Variants in TAFA1 observed in about 807,000 individuals in gnomAD.
TAFA1 encodes the protein chemokine-like protein TAFA-1.
A neutral mutation model predicts 18.5 loss-of-function variants in TAFA1; 4 were observed. The observed-to-expected ratio is 0.22, with a 90% CI of 0.11 to 0.49. The LOEUF (loss-of-function observed/expected upper bound fraction) is 0.49. Ranked by LOEUF, TAFA1 falls within the 20% of genes least tolerant of loss-of-function variation. The pLI is 0.98. For synonymous variants in TAFA1, 56 were observed against 55.2 expected (o/e 1.01, Z -0.06); for missense variants, 147 against 169.0 (o/e 0.87, Z 0.72).
At chr3:68,212,100 G>A (rs911686752) in intron 2 of TAFA1, among the ~76,000 whole-genome samples, 9 of 151,910 alleles carry the variant, frequency 5.9e-5, no homozygotes, top group Admixed American at 5.9e-4. Flanking sequence ...GCCACAGTGG[G>A]CTTTCCTGAA....
intron 2 of TAFA1, among the ~76,000 whole-genome samples, chr3:68,261,856 C>T (rs769529152): frequency 1.7e-4 from 26 of 151,180 alleles, no homozygotes; most frequent in South Asian, 4.2e-4. Flanking sequence ...ACATGGCACA[C>T]GTATACATAT....
chr3:68,223,546 T>A (rs961798210), intron 2 of TAFA1, among the ~76,000 whole-genome samples: 1 of 147,388 alleles, frequency 6.8e-6, no homozygotes, highest in African/African-American at 2.5e-5. Flanking sequence ...TTTTTTTTTT[T>A]ATTATCACCA....
intron 3 of TAFA1, among the ~76,000 whole-genome samples, chr3:68,491,457 G>A (rs1380537727): frequency 1.4e-5 from 2 of 145,480 alleles, no homozygotes; most frequent in African/African-American, 5.1e-5. Context: ...ACCAAACACC[G>A]CATATTCTCA....
chr3:68,119,087 G>A (rs1396083578), intron 2 of TAFA1, among the ~76,000 whole-genome samples: 1 of 151,076 alleles, frequency 6.6e-6, no homozygotes, highest in African/African-American at 2.4e-5. Flanking sequence ...ATATAAGGTA[G>A]TATCTCATTA....
At chr3:68,401,602 C>G (rs768846816) in intron 2 of TAFA1, among the ~76,000 whole-genome samples, 10 of 152,188 alleles carry the variant, frequency 6.6e-5, no homozygotes, top group Non-Finnish European at 1.5e-4. Flanking sequence ...TCCAGACTTG[C>G]GTCTTTTCGT....
At chr3:68,186,352 G>GT (rs879595073) in intron 2 of TAFA1, among the ~76,000 whole-genome samples, 1 of 152,052 alleles carries the variant, frequency 6.6e-6, no homozygotes, top group Admixed American at 6.6e-5. Context: ...AACCAGAGCA[G>GT]TAAGTTGAAA....
chr3:68,010,210 TC>T (rs1438344815), intron 2 of TAFA1, among the ~76,000 whole-genome samples: 4 of 152,018 alleles, frequency 2.6e-5, no homozygotes, highest in African/African-American at 9.7e-5. Flanking sequence ...TAGGAATGGC[TC>T]CCCCCAATCC....
At chr3:68,535,301 T>C (rs1031940146) in intron 3 of TAFA1, among the ~76,000 whole-genome samples, 2 of 151,806 alleles carry the variant, frequency 1.3e-5, no homozygotes, top group African/African-American at 4.8e-5. Flanking sequence ...TTCATTCACA[T>C]AAATAAGTAC....
intron 3 of TAFA1, among the ~76,000 whole-genome samples, chr3:68,520,148 C>G (rs933091819): frequency 2.0e-5 from 3 of 151,992 alleles, no homozygotes; most frequent in Non-Finnish European, 2.9e-5. Flanking sequence ...GGTTTTTGAG[C>G]TTGGCATTTG....
rs186700128 is a variant in TAFA1 at position 68,499,590 on chromosome 3, G to A, written c.260-39166G>A. On this transcript the variant is annotated intron_variant, in intron 3 of 4. Transcript: ENST00000478136. ...TATTTTATGTATTTATTTATCTTAT[G>A]GGCGAGGGCCAGGCTGTGAGCCAGT... Among the ~76,000 whole-genome samples the A allele has an allele frequency of 3.2e-3, 480 of 151,376 alleles. 2 individuals carry two copies. The highest frequency in any genetic ancestry group is 5.2e-3 in the Non-Finnish European group (352 of 67,882).
chr3:68,255,816 G>A (rs2067287803), intron 2 of TAFA1, among the ~76,000 whole-genome samples: 1 of 151,990 alleles, frequency 6.6e-6, no homozygotes, highest in Non-Finnish European at 1.5e-5. Flanking sequence ...AATAGGAAGT[G>A]GAAAACTAGT....
At chr3:68,176,479 C>T (rs570987817) in intron 2 of TAFA1, among the ~76,000 whole-genome samples, 1 of 152,222 alleles carries the variant, frequency 6.6e-6, no homozygotes, top group South Asian at 2.1e-4. Flanking sequence ...GAGACTCCAC[C>T]AAGTAAATAA....
At chr3:68,424,969 G>A (rs1326994697) in intron 3 of TAFA1, among the ~76,000 whole-genome samples, 5 of 151,932 alleles carry the variant, frequency 3.3e-5, no homozygotes, top group Non-Finnish European at 5.9e-5. Context: ...CAAGTCTTCC[G>A]AGTTAATGGA....
intron 3 of TAFA1, among the ~76,000 whole-genome samples, chr3:68,536,158 G>A (rs1452655041): frequency 6.6e-6 from 1 of 152,092 alleles, no homozygotes; most frequent in Non-Finnish European, 1.5e-5. Flanking sequence ...AAAGATTGAG[G>A]AACACTGAAT....
intron 3 of TAFA1, among the ~76,000 whole-genome samples, chr3:68,485,322 T>C (rs1337948925): frequency 6.6e-6 from 1 of 152,200 alleles, no homozygotes; most frequent in Non-Finnish European, 1.5e-5. Context: ...TTGTGCTAAG[T>C]TGCTCTACCC....
chr3:68,014,130 C>A (rs1484850686), intron 2 of TAFA1, among the ~76,000 whole-genome samples: 1 of 152,148 alleles, frequency 6.6e-6, no homozygotes, highest in Non-Finnish European at 1.5e-5. Flanking sequence ...TTCTTATTTT[C>A]CACTTTTGTG....
intron 3 of TAFA1, among the ~76,000 whole-genome samples, chr3:68,469,740 G>C (rs1206950683): frequency 1.3e-5 from 2 of 152,156 alleles, no homozygotes; most frequent in African/African-American, 2.4e-5. Flanking sequence ...GGCCTACTGG[G>C]TCAGACCACT....
intron 2 of TAFA1, among the ~76,000 whole-genome samples, chr3:68,088,063 C>T (rs1332541897): frequency 1.3e-5 from 2 of 152,098 alleles, no homozygotes; most frequent in African/African-American, 4.8e-5. Context: ...GAAGTAACAA[C>T]ATTTATTTTT....
At chr3:68,169,249 G>T (rs2066022129) in intron 2 of TAFA1, among the ~76,000 whole-genome samples, 1 of 151,992 alleles carries the variant, frequency 6.6e-6, no homozygotes, top group Admixed American at 6.5e-5. Context: ...CACTTGCTCT[G>T]GACGGTACGG....
Sources: allele counts gnomAD v4.1 joint callset (sites outside exome capture counted in the v4.1 genomes callset), GRCh38; gene constraint gnomAD v4.1.1; transcripts MANE v1.5; gene names NCBI Gene and HGNC (gene_info 2026-07-23, HGNC 2026-07-21).